The following NID1 variants were observed in gnomAD, a reference collection of about 807,000 sequenced individuals.
NID1 encodes nidogen-1.
A neutral mutation model predicts 130.6 loss-of-function variants in NID1; 76 were observed. That is an observed-to-expected ratio of 0.58 (90% CI 0.48 to 0.70). The LOEUF is 0.70. Among genes scored for constraint, NID1 ranks in the 30% least tolerant of loss-of-function variants. NID1 has a pLI of 0.00. For synonymous variants in NID1, 665 were observed against 675.1 expected (o/e 0.98, Z 0.23); for missense variants, 1,517 against 1,664.8 (o/e 0.91, Z 1.54).
intron 19 of NID1, among the ~76,000 whole-genome samples, chr1:235,978,191 A>G (rs1657326461): frequency 6.6e-6 from 1 of 152,238 alleles, no homozygotes; most frequent in South Asian, 2.1e-4. Context: ...TAAACCAGAC[A>G]CAAACACTGA....
At chr1:236,059,615 C>T (rs1659986878) in intron 1 of NID1, among the ~76,000 whole-genome samples, 1 of 152,108 alleles carries the variant, frequency 6.6e-6, no homozygotes, top group African/African-American at 2.4e-5. Flanking sequence ...CCATTAACCC[C>T]ACAGAAGAAA....
At position 236,026,160 on chromosome 1, in the gene NID1, G is replaced by A. The variant is rs1283397663; in HGVS notation, c.1739-19C>T. 6.2e-7 allele frequency: 1 copy of A among 1,612,212 alleles called. No homozygotes were observed. Among genetic ancestry groups the A allele is most frequent in the African/African-American group, 1.3e-5 (1 of 74,900 alleles). ...GTGATCACTGCAGAGTGGGAAGGAT[G>A]GAGGGGACAAGGCAGGGAGACAGAG... On this transcript the variant is annotated intron_variant, in intron 7 of 19. Coordinates refer to ENST00000264187, the MANE Select transcript of NID1 (RefSeq NM_002508.3).
At position 236,045,672 on chromosome 1, in the gene NID1, G is replaced by T. The variant is rs776088652; in HGVS notation, c.537C>A (p.Phe179Leu). 6 of 1,611,300 alleles carry T rather than the reference G, an allele frequency of 3.7e-6. No individual in the cohort carries two copies. The South Asian group carries it at 6.6e-5, about 18-fold the overall frequency. ...AATCAGAGGAGGCTAGAACAGCCTG[G>T]AACGTGTTTCTCTGTGAAGATGAGT... ...DPDQKGKRNT[F>L]QAVLASSDSS... Residue 179 changes from phenylalanine (F) to leucine (L), a missense_variant, in exon 3 of 20, where the codon TTC becomes TTA. Transcript: ENST00000264187.
chr1:235,993,984 G>T, intron 12 of NID1, 112 bp from the exon 13 acceptor site: 1 of 826,034 alleles, frequency 1.2e-6, no homozygotes, highest in East Asian at 2.7e-5. Flanking sequence ...GGCTGCCTGT[G>T]TGTCACTGGG....
At chr1:236,039,875 G>T (rs1020283169) in intron 4 of NID1, among the ~76,000 whole-genome samples, 25 of 152,136 alleles carry the variant, frequency 1.6e-4, no homozygotes, top group African/African-American at 5.8e-4. Flanking sequence ...GAGCTCTCAG[G>T]GGTCATTATG....
chr1:236,042,423 G>T, intron 3 of NID1, 131 bp from the exon 4 acceptor site: 1 of 1,163,916 alleles, frequency 8.6e-7, no homozygotes, highest in Non-Finnish European at 1.2e-6. Context: ...CTGGAGAGTG[G>T]AAGGGCACTG....
Position 236,024,237 on chromosome 1 carries a change from C to T in NID1, c.1985-24G>A, listed in dbSNP as rs771663980. ...TTCTGTGAAGACAGAGACATTGGAA[C>T]CAAGTGAGTCTTCAGGAGCTCTTGC... On this transcript the variant is annotated intron_variant, in intron 8 of 19. Coordinates refer to ENST00000264187, the MANE Select transcript of NID1 (RefSeq NM_002508.3). 1.5e-5 allele frequency: 25 copies of T among 1,613,136 alleles called. No individual in the cohort carries two copies. The Middle Eastern group carries it at 5.0e-4, about 32-fold the overall frequency.
rs191145533 is a variant in NID1, at chr1:236,046,903, G to T, written c.526-1220C>A. Among the ~76,000 whole-genome samples the T allele has an allele frequency of 1.3e-3, 195 of 152,256 alleles. 1 individual carries two copies. Among genetic ancestry groups the T allele is most frequent in the African/African-American group, 4.5e-3 (187 of 41,564 alleles). Reference sequence around the variant, plus strand: ...GGATGTAATGCATCTTTTTTGGAGCGGGGGAAGGGAAGAGGTATGGTCACA... The same window carrying T: ...GGATGTAATGCATCTTTTTTGGAGCTGGGGAAGGGAAGAGGTATGGTCACA... On this transcript the variant is annotated intron_variant, in intron 2 of 19. Transcript: ENST00000264187.
Position 236,045,495 on chromosome 1 carries a change from T to C in NID1, c.714A>G (p.Ile238Met), listed in dbSNP as rs1289412740. The C allele has an allele frequency of 6.2e-7, 1 of 1,614,086 alleles. No individual in the cohort carries two copies. The change falls in exon 3 of 20, where the codon ATA (isoleucine) becomes ATG (methionine). Residue 238 changes from isoleucine to methionine, a missense_variant. Transcript: ENST00000264187. ...CAACTGATTCCCTGTCATTAGCAAA[T>C]ATGTTATAAGCTCCGTTGCTCTTCC... The part of the protein sequence containing the change: ...FLWKSNGAYN[I>M]FANDRESVEN...
At position 235,993,646 on chromosome 1, in the gene NID1, C is replaced by A. The variant is rs1178344459; in HGVS notation, c.2754G>T (p.Pro918=). ...GTRTRPGMTP[P]CLSTVAPPIH... ...CAAGCACGGCCTGCACCCACTTACA[C>A]GGGGGCGTCATCCCGGGCCTGGTCC... Residue 918 remains proline (P), a splice_region_variant and synonymous_variant, in exon 13 of 20, where the codon CCG becomes CCT. Transcript: ENST00000264187. The A allele has an allele frequency of 3.2e-6, 5 of 1,541,638 alleles. No homozygotes were observed. In the Admixed American group the frequency reaches 7.5e-5, roughly 23 times the overall value.
Position 235,979,909 on chromosome 1 carries a change from G to T in NID1, c.3422C>A (p.Pro1141His). 1 of 1,614,138 alleles carries T rather than the reference G, an allele frequency of 6.2e-7. No homozygotes were observed. ...NRAECLNPSQ[P>H]SRRKALEGLQ... Reference sequence around the variant, plus strand: ...CCCTTCGAGAGCCTTGCGTCTGCTGGGCTGACTGGGGTTCAGGCATTCCGC... The same window carrying T: ...CCCTTCGAGAGCCTTGCGTCTGCTGTGCTGACTGGGGTTCAGGCATTCCGC... The change falls in exon 18 of 20, where the codon CCC (proline) becomes CAC (histidine). Residue 1141 changes from proline (P) to histidine (H), a missense_variant. Physicochemically the swap from Pro to His is moderately conservative, Grantham distance 77. Coordinates refer to ENST00000264187, the MANE Select transcript of NID1 (RefSeq NM_002508.3). The surrounding 1 kb of genome is among the most constrained non-coding windows in gnomAD (Gnocchi z 4.6).
rs1049835685 is a variant in NID1 at position 236,039,241 on chromosome 1, T to A, written c.1136-988A>T. 3.2e-4 allele frequency among the ~76,000 whole-genome samples: 47 copies of A among 148,636 alleles called. 1 individual carries two copies. The highest frequency in any genetic ancestry group is 1.9e-3 in the East Asian group (10 of 5,150). On this transcript the variant is annotated intron_variant, in intron 4 of 19. Coordinates refer to ENST00000264187, the MANE Select transcript of NID1 (RefSeq NM_002508.3). ...ATATAATTATATGATATAATTTTTTTAATTTTTTATTGTGGTAAAATATAT... is the reference window on the plus strand; with the variant it reads ...ATATAATTATATGATATAATTTTTTAAATTTTTTATTGTGGTAAAATATAT...
At chr1:236,031,617 G>A (rs757109321) in intron 6 of NID1, among the ~76,000 whole-genome samples, 6 of 152,178 alleles carry the variant, frequency 3.9e-5, no homozygotes, top group African/African-American at 1.2e-4. Context: ...CTAGGTCGTC[G>A]GAGGCAGTGG....
rs1372208665 is a variant in NID1 at position 235,975,858 on chromosome 1, C to T, written c.*2009G>A. ...TCTTTTTTAAAAAAAGTTTATTTTC[C>T]ACACTATTTGTACAGCTGTAAACTC... On this transcript the variant is annotated 3_prime_UTR_variant, in exon 20 of 20. Transcript: ENST00000264187. The T allele has an allele frequency of 2.6e-5, 4 of 152,504 alleles. No homozygotes were observed. Among genetic ancestry groups the T allele is most frequent in the Non-Finnish European group, 2.9e-5 (2 of 68,026 alleles). 9.4% of individuals were successfully genotyped at this position (152,504 alleles called of 1,614,324 possible). A position where few individuals can be genotyped will look rare whatever the true frequency, so the allele number is the denominator to read the frequency against.
chr1:235,980,421 C>A (rs1284563297), intron 17 of NID1, 75 bp downstream of exon 17: 3 of 1,505,426 alleles, frequency 2.0e-6, no homozygotes, highest in Admixed American at 1.9e-5. Flanking sequence ...TAGATTTGAC[C>A]CCAGGGCCCT....
chr1:236,063,480 A>T lies in NID1; in HGVS notation c.225+1375T>A, dbSNP rs527627915. Among the ~76,000 whole-genome samples, 594 of 143,074 alleles carry T rather than the reference A, an allele frequency of 4.2e-3. 6 individuals carry two copies. The highest frequency in any genetic ancestry group is 0.015 in the African/African-American group (546 of 35,344). 93.9% of individuals were successfully genotyped at this position (143,074 alleles called of 152,430 possible). A position where few individuals can be genotyped will look rare whatever the true frequency, so the allele number is the denominator to read the frequency against. On this transcript the variant is annotated intron_variant, in intron 1 of 19. Transcript: ENST00000264187. Reference sequence around the variant, plus strand: ...GAGAGAGACTCTGTCTCAAAAAAAAAAATAAATAAATAAATAAATAAATAA... The same window carrying T: ...GAGAGAGACTCTGTCTCAAAAAAAATAATAAATAAATAAATAAATAAATAA...
chr1:235,985,569 T>G (rs1166052394), intron 14 of NID1, 64 bp from the exon 15 acceptor site: 2 of 1,580,332 alleles, frequency 1.3e-6, no homozygotes, highest in African/African-American at 2.7e-5. Context: ...AGAATCTTTT[T>G]GCGTGCCTAC....
intron 4 of NID1, among the ~76,000 whole-genome samples, chr1:236,039,728 C>A (rs908972776): frequency 6.6e-6 from 1 of 152,266 alleles, no homozygotes; most frequent in South Asian, 2.1e-4. Context: ...AAAGTTTAAA[C>A]CCAGGTAGAC....
chr1:236,020,907 C>T (rs140546188), intron 9 of NID1, among the ~76,000 whole-genome samples: 13 of 152,264 alleles, frequency 8.5e-5, no homozygotes, highest in South Asian at 4.1e-4. Context: ...ACAAGGATAT[C>T]GGAGGATTTT....
Sources: gnomAD v4.1 joint callset for allele counts (sites outside exome capture counted in the v4.1 genomes callset) on GRCh38, gnomAD v4.1.1 for gene constraint, Gnocchi (gnomAD v3.1) non-coding constraint, MANE v1.5 for transcripts, NCBI Gene and HGNC (gene_info 2026-07-23, HGNC 2026-07-21) for gene names.